The following TSPAN9 variants were observed in gnomAD, a reference collection of about 807,000 sequenced individuals.
TSPAN9 encodes tetraspanin 9.
In TSPAN9, 16 loss-of-function variants were observed where a neutral mutation model predicts 31.0. That is an observed-to-expected ratio of 0.52 (90% confidence interval 0.35 to 0.78). The LOEUF is 0.78. Ranked by LOEUF, TSPAN9 falls within the 30% of genes least tolerant of loss-of-function variation. The pLI is 0.01. For missense variants in TSPAN9, 272 were observed against 312.5 expected, an observed-to-expected ratio of 0.87 and a Z score of 0.98; for synonymous variants, 145 against 121.6, an observed-to-expected ratio of 1.19 and a Z score of -1.27.
rs1311884154 is a variant in TSPAN9, at chr12:3,161,394, A to T, written c.-17-39783A>T. Among the ~76,000 whole-genome samples, 2 of 152,066 alleles carry T rather than the reference A, an allele frequency of 1.3e-5. 1 individual carries two copies. The highest frequency in any genetic ancestry group is 3.9e-4 in the East Asian group (2 of 5,178). ...TTTAACTCTTACATTTAGGTTCATG[A>T]TTCATTTTGAGTTCCTTTTTGTGTA... On this transcript the variant is annotated intron_variant, in intron 2 of 8. Transcript: ENST00000011898.
rs919333364 is a variant in TSPAN9 at position 3,235,035 on chromosome 12, T to C, written c.63+33779T>C. 8.7e-4 allele frequency among the ~76,000 whole-genome samples: 128 copies of C among 147,044 alleles called. 3 individuals are homozygous for C. Among genetic ancestry groups the C allele is most frequent in the Admixed American group, 8.1e-3 (120 of 14,782 alleles). Reference sequence around the variant, plus strand: ...AAAAAAAATTAGCCGGGCGTGGTGGTGGGCGCCTGTAGTCCCAGCTACTCG... The same window carrying C: ...AAAAAAAATTAGCCGGGCGTGGTGGCGGGCGCCTGTAGTCCCAGCTACTCG... On this transcript the variant is annotated intron_variant, in intron 3 of 8. Transcript: ENST00000011898.
intron 2 of TSPAN9, among the ~76,000 whole-genome samples, chr12:3,133,382 T>A (rs941170087): frequency 2.0e-4 from 20 of 101,528 alleles, no homozygotes; most frequent in African/African-American, 6.5e-4. Flanking sequence ...ACTCAATTAT[T>A]ATATAATTTT....
At position 3,201,191 on chromosome 12, in the gene TSPAN9, A is replaced by G. The variant is rs747649677; in HGVS notation, c.-3A>G. 2.5e-6 allele frequency: 4 copies of G among 1,614,036 alleles called. No homozygotes were observed. The highest frequency in any genetic ancestry group is 3.4e-6 in the Non-Finnish European group (4 of 1,180,002). ...GTTCCTCCTAGAATTTAAGAAGTGC[A>G]ACATGGCCAGGGGCTGCCTCTGCTG... On this transcript the variant is annotated 5_prime_UTR_variant, in exon 3 of 9. Transcript: ENST00000011898.
intron 8 of TSPAN9, among the ~76,000 whole-genome samples, chr12:3,282,516 C>T (rs938770841): frequency 6.6e-6 from 1 of 152,232 alleles, no homozygotes; most frequent in Non-Finnish European, 1.5e-5. Flanking sequence ...ACTTCAGCCT[C>T]TCAAGTAGCT....
chr12:3,259,923 C>G (rs1017383006), intron 3 of TSPAN9, among the ~76,000 whole-genome samples: 1 of 152,198 alleles, frequency 6.6e-6, no homozygotes, highest in Non-Finnish European at 1.5e-5. Context: ...AGCAGTGTAG[C>G]AGTGGAGGTG....
In TSPAN9 at chr12:3,283,367, C is replaced by G. The variant is rs1042771339; in HGVS notation, c.*251C>G. 2 of 462,132 alleles carry G rather than the reference C, an allele frequency of 4.3e-6. No homozygotes were observed. The highest frequency in any genetic ancestry group is 3.8e-6 in the Non-Finnish European group (1 of 261,050). The allele number at this position is 462,132 out of a possible 1,614,324, so 28.6% of individuals were successfully genotyped here. On this transcript the variant is annotated 3_prime_UTR_variant, in exon 9 of 9. Transcript: ENST00000011898. ...TCTGCATATGCGTATTTGCCAAAGA[C>G]GACAGGGTGGGCTGGGGTGCGCTCC...
At chr12:3,251,860 T>A (rs534160157) in intron 3 of TSPAN9, among the ~76,000 whole-genome samples, 1 of 152,070 alleles carries the variant, frequency 6.6e-6, no homozygotes, top group Admixed American at 6.5e-5. Flanking sequence ...CCTAGTGTAG[T>A]GGAGAAATAC....
intron 3 of TSPAN9, among the ~76,000 whole-genome samples, chr12:3,209,149 C>G (rs2878483): frequency 1.3e-5 from 2 of 150,944 alleles, no homozygotes; most frequent in African/African-American, 2.4e-5. Context: ...GCAGGAGAAT[C>G]GCTTGAACCC....
chr12:3,184,179 C>T (rs1287785052), intron 2 of TSPAN9, among the ~76,000 whole-genome samples: 4 of 152,056 alleles, frequency 2.6e-5, no homozygotes, highest in Admixed American at 2.6e-4. Flanking sequence ...CGCTTGAGTT[C>T]AGGAGTTCAG....
chr12:3,267,891 C>A (rs967038954), intron 3 of TSPAN9, among the ~76,000 whole-genome samples: 6 of 152,222 alleles, frequency 3.9e-5, no homozygotes, highest in African/African-American at 1.2e-4. Context: ...ACGTAGAGTG[C>A]CCACCCTGCA....
chr12:3,275,019 G>C (rs1178072553), intron 3 of TSPAN9, among the ~76,000 whole-genome samples: 1 of 152,208 alleles, frequency 6.6e-6, no homozygotes, highest in African/African-American at 2.4e-5. Flanking sequence ...AAGCAGATTT[G>C]GGGACAGGGC....
At chr12:3,130,953 G>A (rs996159433) in intron 2 of TSPAN9, among the ~76,000 whole-genome samples, 4 of 152,118 alleles carry the variant, frequency 2.6e-5, no homozygotes, top group Admixed American at 1.3e-4. Flanking sequence ...CGTTGTAGCC[G>A]CATCGGATTT....
Position 3,283,651 on chromosome 12 carries a change from C to G in TSPAN9, c.*535C>G, listed in dbSNP as rs1359482466. ...TATTTTATTTTACTCTATGATTATT[C>G]AGGAATATTATCTCTCAGATAAGTT... On this transcript the variant is annotated 3_prime_UTR_variant, in exon 9 of 9. Transcript: ENST00000011898. The G allele has an allele frequency of 2.0e-5, 3 of 152,824 alleles. No individual in the cohort carries two copies. The allele number at this position is 152,824 out of a possible 1,614,324, so 9.5% of individuals were successfully genotyped here. A position where few individuals can be genotyped will look rare whatever the true frequency, so the allele number is the denominator to read the frequency against.
intron 2 of TSPAN9, among the ~76,000 whole-genome samples, chr12:3,103,186 G>C (rs2098312655): frequency 6.6e-6 from 1 of 152,184 alleles, no homozygotes; most frequent in South Asian, 2.1e-4. Flanking sequence ...TCCTGAGCCT[G>C]TTCTCTATTC....
At position 3,285,600 on chromosome 12, in the gene TSPAN9, C is replaced by T. The variant is rs373078334; in HGVS notation, c.*2484C>T. 1 of 152,350 alleles carries T rather than the reference C, an allele frequency of 6.6e-6. No homozygotes were observed. The highest frequency in any genetic ancestry group is 1.5e-5 in the Non-Finnish European group (1 of 68,044). 9.4% of individuals were successfully genotyped at this position (152,350 alleles called of 1,614,324 possible). On this transcript the variant is annotated 3_prime_UTR_variant, in exon 9 of 9. Transcript: ENST00000011898. ...TGGGTGTTCCTTCGAGCCCCTTCCA[C>T]TCAGAGGGCCACACCCAGCGATGCC...
At chr12:3,099,065 T>TA (rs2153964211) in intron 2 of TSPAN9, among the ~76,000 whole-genome samples, 1 of 152,346 alleles carries the variant, frequency 6.6e-6, no homozygotes, top group African/African-American at 2.4e-5. Context: ...TTTTATCTCT[T>TA]AACTGCATTG....
At chr12:3,205,727 C>G (rs569336569) in intron 3 of TSPAN9, among the ~76,000 whole-genome samples, 2 of 37,904 alleles carry the variant, frequency 5.3e-5, no homozygotes, top group Non-Finnish European at 1.7e-4. Context: ...GGCCCCCCCC[C>G]CCCAGAGTGC....
Position 3,111,737 on chromosome 12 carries a change from C to T in TSPAN9, c.-18+28018C>T, listed in dbSNP as rs1473095804. 2.0e-5 allele frequency among the ~76,000 whole-genome samples: 3 copies of T among 151,844 alleles called. No homozygotes were observed. The East Asian group carries it at 5.8e-4, about 29-fold the overall frequency. The stretch of plus-strand genomic sequence containing the variant: ...CAAACAATTCTTGTGCCTCAGCCTC[C>T]TGAGTAGCTGGAATTACAGGTGTAA... On this transcript the variant is annotated intron_variant, in intron 2 of 8. Coordinates refer to ENST00000011898, the MANE Select transcript of TSPAN9 (RefSeq NM_006675.5).
intron 3 of TSPAN9, among the ~76,000 whole-genome samples, chr12:3,238,056 C>G (rs927493491): frequency 6.6e-6 from 1 of 152,190 alleles, no homozygotes; most frequent in South Asian, 2.1e-4. Context: ...CCCTCCTCTT[C>G]CCTCCCCAGT....
Sources: allele counts gnomAD v4.1 joint callset (sites outside exome capture counted in the v4.1 genomes callset), GRCh38; gene constraint gnomAD v4.1.1; transcripts MANE v1.5; gene names NCBI Gene and HGNC (gene_info 2026-07-23, HGNC 2026-07-21).